Variants in NAALADL2 observed in about 807,000 individuals in gnomAD.
NAALADL2 encodes the protein N-acetylated alpha-linked acidic dipeptidase like 2.
Under a neutral mutation model 87.2 loss-of-function variants are expected in NAALADL2, and 76 were observed. The observed-to-expected ratio is 0.87, with a 90% CI of 0.72 to 1.05. The LOEUF (loss-of-function observed/expected upper bound fraction) is 1.05, where lower values mean the gene tolerates loss of function less well. Among genes scored for constraint, NAALADL2 ranks in the 50% least tolerant of loss-of-function variants. NAALADL2 has a pLI of 0.00. For missense variants in NAALADL2, 1,089 were observed against 945.8 expected (o/e 1.15, Z -1.99); for synonymous variants, 354 against 331.0 (o/e 1.07, Z -0.75).
chr3:175,533,656 C>T (rs1734400347), intron 9 of NAALADL2, among the ~76,000 whole-genome samples: 1 of 152,188 alleles, frequency 6.6e-6, no homozygotes, highest in Non-Finnish European at 1.5e-5. Flanking sequence ...CCATTCTTTC[C>T]CAATCAATGC....
chr3:174,716,941 T>C (rs2108936902), intron 2 of NAALADL2, among the ~76,000 whole-genome samples: 1 of 152,306 alleles, frequency 6.6e-6, no homozygotes, highest in South Asian at 2.1e-4. Flanking sequence ...TGAGACATAT[T>C]AATATTCTCT....
chr3:175,708,497 A>G (rs1740052799), intron 11 of NAALADL2, among the ~76,000 whole-genome samples: 2 of 151,976 alleles, frequency 1.3e-5, no homozygotes, highest in Admixed American at 1.3e-4. Context: ...TATTGCATCC[A>G]TTTTTCTGGG....
intron 1 of NAALADL2, among the ~76,000 whole-genome samples, chr3:174,490,939 A>C (rs1317206377): frequency 6.6e-6 from 1 of 152,138 alleles, no homozygotes; most frequent in Admixed American, 6.6e-5. Flanking sequence ...TATGGGATGA[A>C]AATGAGAGAT....
chr3:175,474,558 C>T (rs1303158679), intron 9 of NAALADL2, among the ~76,000 whole-genome samples: 2 of 152,140 alleles, frequency 1.3e-5, no homozygotes, highest in East Asian at 1.9e-4. Context: ...AATTCACATA[C>T]AGTAAGATTC....
chr3:175,689,025 C>T (rs903494063), intron 11 of NAALADL2, among the ~76,000 whole-genome samples: 3 of 152,288 alleles, frequency 2.0e-5, no homozygotes, highest in South Asian at 2.1e-4. Context: ...AGGCCTAAAA[C>T]ATCACACGTA....
chr3:175,119,846 T>C (rs550489443), intron 2 of NAALADL2, among the ~76,000 whole-genome samples: 5 of 145,418 alleles, frequency 3.4e-5, no homozygotes, highest in South Asian at 4.2e-4. Flanking sequence ...ATATGACTTA[T>C]ATAGCTTATG....
At chr3:175,620,154 A>T (rs1181928234) in intron 10 of NAALADL2, among the ~76,000 whole-genome samples, 1 of 151,968 alleles carries the variant, frequency 6.6e-6, no homozygotes, top group South Asian at 2.1e-4. Context: ...CCCAGAAATG[A>T]CATAGGATTC....
chr3:174,990,194 G>A (rs887885099), intron 1 of NAALADL2, among the ~76,000 whole-genome samples: 21 of 152,092 alleles, frequency 1.4e-4, no homozygotes, highest in Non-Finnish European at 2.5e-4. Flanking sequence ...TCATACCCAC[G>A]TTGGTTCTAA....
rs528329216 is a variant in NAALADL2, at chr3:175,299,470, A to T, written c.940-24705A>T. ...TTGTTTGTGTCCTCTCTTATTTCCT[A>T]GAGCAGTGGTTTGTAGTTCTCCTTG... On this transcript the variant is annotated intron_variant, in intron 4 of 13. Coordinates refer to ENST00000454872, the MANE Select transcript of NAALADL2 (RefSeq NM_207015.3). Among the ~76,000 whole-genome samples, 507 of 151,542 alleles carry T rather than the reference A, an allele frequency of 3.3e-3. 1 individual carries two copies. The highest frequency in any genetic ancestry group is 0.011 in the African/African-American group (475 of 41,324).
intron 2 of NAALADL2, among the ~76,000 whole-genome samples, chr3:174,709,667 CAGATA>C (rs1324099239): frequency 1.3e-5 from 2 of 152,058 alleles, no homozygotes; most frequent in African/African-American, 2.4e-5. Flanking sequence ...AGACTGGAGA[CAGATA>C]AGATAAAAAT....
chr3:175,328,552 CT>C (rs1365568726), intron 5 of NAALADL2, among the ~76,000 whole-genome samples: 1 of 152,114 alleles, frequency 6.6e-6, no homozygotes, highest in African/African-American at 2.4e-5. Context: ...AGTATTTCAA[CT>C]GCACTAAACT....
intron 1 of NAALADL2, among the ~76,000 whole-genome samples, chr3:174,466,878 T>G (rs1179753772): frequency 1.3e-5 from 2 of 152,224 alleles, no homozygotes; most frequent in Non-Finnish European, 2.9e-5. Context: ...GTTACTGTTA[T>G]AGGTTGCTTC....
chr3:174,645,127 CG>C (rs1453677177), intron 2 of NAALADL2, among the ~76,000 whole-genome samples: 1 of 152,114 alleles, frequency 6.6e-6, no homozygotes, highest in Non-Finnish European at 1.5e-5. Context: ...GGGCTAATTT[CG>C]TACAGCTGGA....
intron 9 of NAALADL2, among the ~76,000 whole-genome samples, chr3:175,505,266 G>GAAAA (rs11295985): frequency 3.1e-5 from 4 of 130,312 alleles, no homozygotes; most frequent in Non-Finnish European, 5.1e-5. Flanking sequence ...CCTGTCTCGA[G>GAAAA]AAAAAAAAAA....
chr3:175,212,336 T>TAA (rs140929947), intron 2 of NAALADL2, among the ~76,000 whole-genome samples: 33 of 147,728 alleles, frequency 2.2e-4, no homozygotes, highest in African/African-American at 6.4e-4. Flanking sequence ...CATAGTAAGG[T>TAA]AAAAAAAAAA....
At chr3:175,521,166 CTTTA>C (rs781296702) in intron 9 of NAALADL2, among the ~76,000 whole-genome samples, 6 of 151,390 alleles carry the variant, frequency 4.0e-5, no homozygotes, top group South Asian at 2.1e-4. Context: ...TCTACAGAGA[CTTTA>C]TTTGTCTCAA....
At chr3:174,751,212 TTA>T (rs1734786994) in intron 3 of NAALADL2, among the ~76,000 whole-genome samples, 1 of 152,110 alleles carries the variant, frequency 6.6e-6, no homozygotes, top group Admixed American at 6.6e-5. Context: ...TCCAGATATA[TTA>T]TATCATATGA....
intron 4 of NAALADL2, among the ~76,000 whole-genome samples, chr3:175,290,809 A>C (rs576175538): frequency 6.6e-6 from 1 of 152,264 alleles, no homozygotes; most frequent in Admixed American, 6.5e-5. Context: ...TATATCATGA[A>C]TAGGCTCTTC....
At chr3:175,304,162 A>G (rs955131035) in intron 4 of NAALADL2, among the ~76,000 whole-genome samples, 3 of 152,174 alleles carry the variant, frequency 2.0e-5, no homozygotes, top group African/African-American at 7.2e-5. Flanking sequence ...GACAAGAGAA[A>G]AGAGAAAGGG....
Sources: gnomAD v4.1 joint callset for allele counts (sites outside exome capture counted in the v4.1 genomes callset) on GRCh38, gnomAD v4.1.1 for gene constraint, MANE v1.5 for transcripts, NCBI Gene and HGNC (gene_info 2026-07-23, HGNC 2026-07-21) for gene names.